The following TEX9 variants were observed in gnomAD, a reference collection of about 807,000 sequenced individuals.
The protein encoded by TEX9 is testis expressed 9.
A neutral mutation model predicts 59.6 loss-of-function variants in TEX9; 74 were observed. The observed-to-expected ratio is 1.24, with a 90% CI of 1.03 to 1.51. TEX9 has a LOEUF of 1.51. Among genes scored for constraint, TEX9 ranks in the 40% most tolerant of loss-of-function variants. The pLI is 0.00. For synonymous variants in TEX9, 186 were observed against 152.2 expected, an observed-to-expected ratio of 1.22 and a Z score of -1.64; for missense variants, 522 against 447.8, an observed-to-expected ratio of 1.17 and a Z score of -1.49.
intron 10 of TEX9, among the ~76,000 whole-genome samples, chr15:56,419,948 T>C (rs1260880407): frequency 2.6e-5 from 4 of 151,894 alleles, no homozygotes. Context: ...ATTTCTTTAA[T>C]AGATACAGAA....
intron 1 of TEX9, among the ~76,000 whole-genome samples, chr15:56,293,605 G>T (rs1185311532): frequency 6.6e-6 from 1 of 152,186 alleles, no homozygotes; most frequent in African/African-American, 2.4e-5. Context: ...TGTAATTTAT[G>T]ACGGGGCTTT....
chr15:56,413,104 A>G (rs1209525741), intron 10 of TEX9, among the ~76,000 whole-genome samples: 2 of 151,440 alleles, frequency 1.3e-5, no homozygotes, highest in Non-Finnish European at 1.5e-5. Flanking sequence ...CCTTCTATAA[A>G]TATTGGTTAC....
chr15:56,299,101 T>C (rs1415975967), intron 1 of TEX9, among the ~76,000 whole-genome samples: 2 of 152,190 alleles, frequency 1.3e-5, no homozygotes, highest in Admixed American at 1.3e-4. Flanking sequence ...TTTAACATTA[T>C]ATCAGTGAAA....
chr15:56,435,573 T>C (rs1321880426), intron 12 of TEX9, among the ~76,000 whole-genome samples: 1 of 152,008 alleles, frequency 6.6e-6, no homozygotes, highest in Non-Finnish European at 1.5e-5. Context: ...GCAACTTAGA[T>C]GAAATGGATC....
chr15:56,307,455 T>G (rs2045510886), intron 1 of TEX9, among the ~76,000 whole-genome samples: 1 of 152,210 alleles, frequency 6.6e-6, no homozygotes, highest in Admixed American at 6.5e-5. Flanking sequence ...GATAAAAGGT[T>G]TGTAAAACTC....
chr15:56,309,097 C>G lies in TEX9; in HGVS notation c.-106-64344C>G, dbSNP rs1168863642. On this transcript the variant is annotated intron_variant, in intron 1 of 5. Coordinates refer to the TEX9 transcript ENST00000560827. Reference sequence around the variant, plus strand: ...TACATAAAACATGCTAGCTGGAATTCTGATAGAAATTGTTTTGAATCTGCA... The same window carrying G: ...TACATAAAACATGCTAGCTGGAATTGTGATAGAAATTGTTTTGAATCTGCA... Among the ~76,000 whole-genome samples the G allele has an allele frequency of 2.0e-5, 3 of 152,092 alleles. No individual in the cohort carries two copies. In the East Asian group the frequency reaches 5.8e-4, roughly 29 times the overall value.
At chr15:56,353,230 C>T (rs1038872345) in intron 1 of TEX9, among the ~76,000 whole-genome samples, 28 of 152,038 alleles carry the variant, frequency 1.8e-4, no homozygotes, top group Non-Finnish European at 1.0e-4. Context: ...AATGTACATG[C>T]TATAGTTTTG....
intron 1 of TEX9, among the ~76,000 whole-genome samples, chr15:56,331,478 T>G (rs1596095842): frequency 6.6e-6 from 1 of 152,000 alleles, no homozygotes; most frequent in South Asian, 2.1e-4. Context: ...TTAAATAAAA[T>G]CAGAAATCAA....
chr15:56,365,443 C>A (rs746389147), exon 1 of TEX9: 4 of 1,609,620 alleles, frequency 2.5e-6, no homozygotes, highest in Middle Eastern at 1.7e-4. Context: ...GCGTCGCAGT[C>A]GCCGAAGATG....
chr15:56,353,151 T>C (rs1440233834), intron 1 of TEX9, among the ~76,000 whole-genome samples: 4 of 152,128 alleles, frequency 2.6e-5, no homozygotes, highest in Non-Finnish European at 4.4e-5. Flanking sequence ...GTCAATACCA[T>C]GACCACAGCT....
Position 56,297,784 on chromosome 15 carries a change from C to A in TEX9, c.-107+53506C>A, listed in dbSNP as rs146433816. ...CCTCCCAAAGCGCTGGGGTAACAGG[C>A]GTGAGCCACCGTGCCTGGCCACTAC... On this transcript the variant is annotated intron_variant, in intron 1 of 5. Coordinates refer to the TEX9 transcript ENST00000560827. Among the ~76,000 whole-genome samples, 42 of 152,288 alleles carry A rather than the reference C, an allele frequency of 2.8e-4. No individual in the cohort carries two copies. In the Middle Eastern group the frequency reaches 0.01, roughly 37 times the overall value.
In TEX9 at chr15:56,310,663, T is replaced by C. The variant is rs140801077; in HGVS notation, c.-106-62778T>C. ...TGACATTCTTGCACAGATTCATCAG[T>C]GGAAGCCTGGACAGGTTAAAGATAG... On this transcript the variant is annotated intron_variant, in intron 1 of 5. Transcript: ENST00000560827. Among the ~76,000 whole-genome samples, 562 of 152,220 alleles carry C rather than the reference T, an allele frequency of 3.7e-3. 3 individuals are homozygous for C. The highest frequency in any genetic ancestry group is 0.017 in the Middle Eastern group (5 of 294).
intron 1 of TEX9, among the ~76,000 whole-genome samples, chr15:56,303,918 T>A (rs773397093): frequency 2.6e-5 from 4 of 152,140 alleles, no homozygotes; most frequent in Non-Finnish European, 5.9e-5. Context: ...AACTTTCTAG[T>A]CACATACAAC....
At chr15:56,363,672 CTT>C (rs879691204), upstream of TEX9, among the ~76,000 whole-genome samples, 2 of 142,042 alleles carry the variant, frequency 1.4e-5, no homozygotes, top group Non-Finnish European at 1.6e-5. Context: ...AATTGTTTTT[CTT>C]TTTTTTTTTG....
chr15:56,444,731 A>G (rs2050878668), intron 12 of TEX9: 2 of 1,310,846 alleles, frequency 1.5e-6, no homozygotes, highest in Non-Finnish European at 2.2e-6. Context: ...GTACGATAGT[A>G]TATTTTACAC....
chr15:56,460,009 A>AAAAAAAAAAAAAAAATAT, the TEX9 span, among the ~76,000 whole-genome samples: 21 of 26,384 alleles, frequency 8.0e-4, 4 homozygotes, highest in African/African-American at 1.8e-3. Flanking sequence ...AAAAAAAAAA[A>AAAAAAAAAAAAAAAATAT]ATACATATAT....
chr15:56,371,762 G>A (rs1209682232), intron 2 of TEX9, among the ~76,000 whole-genome samples: 1 of 151,834 alleles, frequency 6.6e-6, no homozygotes, highest in Non-Finnish European at 1.5e-5. Context: ...TTTTTCCATG[G>A]TGTCCTTGTA....
chr15:56,344,610 A>T (rs1345986323), intron 1 of TEX9, among the ~76,000 whole-genome samples: 1 of 152,126 alleles, frequency 6.6e-6, no homozygotes, highest in Non-Finnish European at 1.5e-5. Context: ...AAACTCTGTG[A>T]AAAACCACAG....
At chr15:56,373,443 G>T in exon 3 of TEX9, 1 of 1,588,642 alleles carries the variant, frequency 6.3e-7, no homozygotes, top group Non-Finnish European at 8.5e-7. Context: ...GCTTTTAGGC[G>T]TTTAAATGCA....
Sources: gnomAD v4.1 joint callset for allele counts (sites outside exome capture counted in the v4.1 genomes callset) on GRCh38, gnomAD v4.1.1 for gene constraint, MANE v1.5 for transcripts, NCBI Gene and HGNC (gene_info 2026-07-23, HGNC 2026-07-21) for gene names.